NOS1AP: variants seen among roughly 807,000 people sequenced by gnomAD.
NOS1AP encodes the protein nitric oxide synthase 1 adaptor protein, also known as carboxyl-terminal PDZ ligand of neuronal nitric oxide synthase protein.
In NOS1AP, 21 loss-of-function variants were observed where a neutral mutation model predicts 56.2. The observed-to-expected ratio is 0.37, with a 90% confidence interval of 0.26 to 0.54. The LOEUF (loss-of-function observed/expected upper bound fraction) is 0.54. Among genes scored for constraint, NOS1AP ranks in the 20% least tolerant of loss-of-function variants. The pLI is 0.84. For synonymous variants in NOS1AP, 270 were observed against 274.6 expected (o/e 0.98, Z 0.17); for missense variants, 522 against 657.8 (o/e 0.79, Z 2.26).
chr1:162,081,774 A>ATATATATTTTTTT, intron 1 of NOS1AP, among the ~76,000 whole-genome samples: 2 of 44,058 alleles, frequency 4.5e-5, no homozygotes, highest in Non-Finnish European at 9.3e-5. Context: ...ATATATATAT[A>ATATATATTTTTTT]TTTTTTTTTT....
intron 1 of NOS1AP, among the ~76,000 whole-genome samples, chr1:162,110,851 G>A (rs1647682117): frequency 6.6e-6 from 1 of 152,122 alleles, no homozygotes; most frequent in Non-Finnish European, 1.5e-5. Flanking sequence ...TTCCAAAGTC[G>A]CAGCACTAAT....
chr1:162,247,700 C>CA (rs1553198766), intron 2 of NOS1AP, among the ~76,000 whole-genome samples: 12 of 152,240 alleles, frequency 7.9e-5, no homozygotes, highest in African/African-American at 2.6e-4. Flanking sequence ...CCGTCCCCCC[C>CA]ACATTGTCCT....
intron 2 of NOS1AP, among the ~76,000 whole-genome samples, chr1:162,232,900 C>A (rs968723594): frequency 4.6e-5 from 7 of 152,018 alleles, no homozygotes; most frequent in African/African-American, 1.7e-4. Context: ...GTTGTTTCTC[C>A]CATTTCATAT....
chr1:162,087,041 C>T (rs902623081), intron 1 of NOS1AP, among the ~76,000 whole-genome samples: 4 of 152,144 alleles, frequency 2.6e-5, no homozygotes, highest in Non-Finnish European at 5.9e-5. Flanking sequence ...GTGTACCTAG[C>T]ATAGGGCCCC....
At position 162,112,961 on chromosome 1, in the gene NOS1AP, C is replaced by G. The variant is rs4422984; in HGVS notation, c.106-41444C>G. Among the ~76,000 whole-genome samples, 298 of 152,254 alleles carry G rather than the reference C, an allele frequency of 2.0e-3. 2 individuals are homozygous for G. Among genetic ancestry groups the G allele is most frequent in the African/African-American group, 6.8e-3 (284 of 41,528 alleles). On this transcript the variant is annotated intron_variant, in intron 1 of 9. Coordinates refer to ENST00000361897, the MANE Select transcript of NOS1AP (RefSeq NM_014697.3). ...GGGAATTCAGAGAGGTGAAATTTCC[C>G]TCTAAAGCTTCTGAGCTCCTTCATT...
chr1:162,172,798 G>T (rs1210581379), intron 2 of NOS1AP, among the ~76,000 whole-genome samples: 1 of 152,114 alleles, frequency 6.6e-6, no homozygotes, highest in Admixed American at 6.5e-5. Flanking sequence ...ATTTAAATAT[G>T]AATCATTTAA....
At chr1:162,093,846 C>T (rs1407403019) in intron 1 of NOS1AP, among the ~76,000 whole-genome samples, 1 of 152,168 alleles carries the variant, frequency 6.6e-6, no homozygotes, top group Non-Finnish European at 1.5e-5. Context: ...AGCCACTGTG[C>T]CTGGCCTGTG....
Position 162,188,372 on chromosome 1 carries a change from A to G in NOS1AP, c.177+33896A>G, listed in dbSNP as rs537271560. Among the ~76,000 whole-genome samples the G allele has an allele frequency of 1.3e-5, 2 of 152,318 alleles. No individual in the cohort carries two copies. Among genetic ancestry groups the G allele is most frequent in the East Asian group, 1.9e-4 (1 of 5,176 alleles). Reference sequence around the variant, plus strand: ...TTTCTGTTGCTGGAATTGGGCTCACACACTGTCTCTTTATAGGCCATTTCC... The same window carrying G: ...TTTCTGTTGCTGGAATTGGGCTCACGCACTGTCTCTTTATAGGCCATTTCC... On this transcript the variant is annotated intron_variant, in intron 2 of 9. Transcript: ENST00000361897. This position sits in a 1 kb window ranked among gnomAD's most constrained non-coding sequence, Gnocchi z 4.0.
intron 6 of NOS1AP, among the ~76,000 whole-genome samples, chr1:162,351,300 C>CT (rs1657486071): frequency 6.6e-6 from 1 of 152,222 alleles, no homozygotes; most frequent in Non-Finnish European, 1.5e-5. Context: ...CACTTTGAGA[C>CT]TGAGCTTGTA....
At chr1:162,175,779 G>A (rs1212273540) in intron 2 of NOS1AP, among the ~76,000 whole-genome samples, 1 of 152,144 alleles carries the variant, frequency 6.6e-6, no homozygotes, top group Non-Finnish European at 1.5e-5. Context: ...ACATGAGTTT[G>A]TAGTGATGTC....
At chr1:162,262,979 T>C (rs1031677146) in intron 2 of NOS1AP, among the ~76,000 whole-genome samples, 1 of 152,234 alleles carries the variant, frequency 6.6e-6, no homozygotes, top group Non-Finnish European at 1.5e-5. Context: ...AGAATAATTC[T>C]TCTTAAAGTA....
chr1:162,304,619 TTGATA>T (rs1186830794), intron 4 of NOS1AP, among the ~76,000 whole-genome samples: 1 of 152,202 alleles, frequency 6.6e-6, no homozygotes, highest in African/African-American at 2.4e-5. Flanking sequence ...TCTCTGATTG[TTGATA>T]GTCTTGTGGA....
chr1:162,212,186 C>T (rs1296425771), intron 2 of NOS1AP, among the ~76,000 whole-genome samples: 3 of 152,166 alleles, frequency 2.0e-5, no homozygotes, highest in East Asian at 1.9e-4. Flanking sequence ...TGAGACAGCT[C>T]ATCGTGTGGC....
At chr1:162,149,419 G>A (rs773942235) in intron 1 of NOS1AP, among the ~76,000 whole-genome samples, 1 of 152,218 alleles carries the variant, frequency 6.6e-6, no homozygotes, top group African/African-American at 2.4e-5. Flanking sequence ...CCTCCAGCAA[G>A]TATGTCTGGT....
At chr1:162,252,325 A>G (rs1432377498) in intron 2 of NOS1AP, among the ~76,000 whole-genome samples, 5 of 152,182 alleles carry the variant, frequency 3.3e-5, no homozygotes, top group Non-Finnish European at 5.9e-5. Context: ...GGCTGGGATT[A>G]TAGGCATGAA....
intron 1 of NOS1AP, among the ~76,000 whole-genome samples, chr1:162,096,288 T>C (rs1450579443): frequency 6.6e-6 from 1 of 152,236 alleles, no homozygotes; most frequent in East Asian, 1.9e-4. Context: ...TCACTTTCCA[T>C]GTCAGCGTAT....
chr1:162,180,941 C>T (rs1199830273), intron 2 of NOS1AP, among the ~76,000 whole-genome samples: 2 of 152,334 alleles, frequency 1.3e-5, no homozygotes, highest in East Asian at 1.9e-4. Flanking sequence ...AAAACATTCC[C>T]TGTTCAGTCA....
chr1:162,323,185 A>G (rs1410951823), intron 4 of NOS1AP, among the ~76,000 whole-genome samples: 3 of 152,238 alleles, frequency 2.0e-5, no homozygotes, highest in African/African-American at 4.8e-5. Flanking sequence ...CAGAGGAGAC[A>G]CAGGGCAGAA....
chr1:162,303,103 G>C (rs535089860), intron 4 of NOS1AP, among the ~76,000 whole-genome samples: 2 of 152,192 alleles, frequency 1.3e-5, no homozygotes, highest in African/African-American at 4.8e-5. Flanking sequence ...TCCGGTTTTG[G>C]GCTGTTACTA....
Sources: allele counts gnomAD v4.1 joint callset (sites outside exome capture counted in the v4.1 genomes callset), GRCh38; gene constraint gnomAD v4.1.1; non-coding constraint Gnocchi (gnomAD v3.1); transcripts MANE v1.5; gene names NCBI Gene and HGNC (gene_info 2026-07-23, HGNC 2026-07-21).